Variants in ZBBX observed in about 807,000 individuals in gnomAD.
ZBBX encodes the protein zinc finger B-box domain-containing protein 1.
In ZBBX, 101 loss-of-function variants were observed where a neutral mutation model predicts 108.5. The ratio of observed to expected loss-of-function variants is 0.93; its 90% CI spans 0.79 to 1.10. The LOEUF is 1.10. ZBBX is among the 50% of genes least tolerant of loss of function. The pLI is 0.00. For synonymous variants in ZBBX, 356 were observed against 323.4 expected (o/e 1.10, Z -1.08); for missense variants, 1,009 against 941.4 (o/e 1.07, Z -0.94).
chr3:167,391,259 T>C (rs1748077413), intron 1 of ZBBX, among the ~76,000 whole-genome samples: 2 of 152,126 alleles, frequency 1.3e-5, no homozygotes, highest in South Asian at 2.1e-4. Context: ...GTTTTTGTTA[T>C]TGGTTTTGTT....
chr3:167,286,030 T>C (rs1027757852), intron 19 of ZBBX, among the ~76,000 whole-genome samples: 3 of 152,130 alleles, frequency 2.0e-5, no homozygotes, highest in African/African-American at 4.8e-5. Context: ...GTAAATGTGA[T>C]AGAGGAACTC....
At chr3:167,368,381 T>C in intron 5 of ZBBX, 80 bp downstream of exon 5, 5 of 997,236 alleles carry the variant, frequency 5.0e-6, no homozygotes, top group South Asian at 1.6e-5. Flanking sequence ...AATGTTTTTA[T>C]TGGAATGACA....
chr3:167,204,237 TCTTTTC>T, the ZBBX span, among the ~76,000 whole-genome samples: 14 of 104,354 alleles, frequency 1.3e-4, no homozygotes, highest in Non-Finnish European at 1.9e-4. Flanking sequence ...AAATTTCTTT[TCTTTTC>T]TTTTTTTTTT....
intron 20 of ZBBX, among the ~76,000 whole-genome samples, chr3:167,258,016 C>T (rs531394109): frequency 5.9e-5 from 9 of 152,178 alleles, no homozygotes; most frequent in African/African-American, 1.7e-4. Flanking sequence ...TCGGTCTCAG[C>T]TATTTATCTT....
At chr3:167,312,796 T>C (rs1016703335) in intron 16 of ZBBX, among the ~76,000 whole-genome samples, 1 of 152,142 alleles carries the variant, frequency 6.6e-6, no homozygotes, top group Non-Finnish European at 1.5e-5. Context: ...AATTTAGTGG[T>C]TTAGTATTTG....
chr3:167,182,070 T>G, the ZBBX span, among the ~76,000 whole-genome samples: 1 of 152,210 alleles, frequency 6.6e-6, no homozygotes, highest in Non-Finnish European at 1.5e-5. Context: ...TTTGGACATA[T>G]TCCAGACTCA....
chr3:167,270,248 G>T (rs375673612), intron 20 of ZBBX, among the ~76,000 whole-genome samples: 37 of 152,238 alleles, frequency 2.4e-4, no homozygotes, highest in African/African-American at 8.7e-4. Context: ...GAATAGTGCC[G>T]GAGCAAGTTG....
rs369796514 is a variant in ZBBX, at chr3:167,313,951, T to C, written c.1417+23A>G. 5 of 1,557,150 alleles carry C rather than the reference T, an allele frequency of 3.2e-6. No individual in the cohort carries two copies. The East Asian group carries it at 9.3e-5, about 29-fold the overall frequency. ...TTATCAACATGCACTGTTAATAATATCCAGCAACAAGAAAAATGTTACCTT... is the reference window on the plus strand; with the variant it reads ...TTATCAACATGCACTGTTAATAATACCCAGCAACAAGAAAAATGTTACCTT... On this transcript the variant is annotated intron_variant, in intron 16 of 21. Coordinates refer to ENST00000675490, the MANE Select transcript of ZBBX (RefSeq NM_001199201.2).
At chr3:167,364,174 A>G (rs1744970053) in intron 6 of ZBBX, among the ~76,000 whole-genome samples, 1 of 151,268 alleles carries the variant, frequency 6.6e-6, no homozygotes, top group African/African-American at 2.4e-5. Flanking sequence ...CTTACTCACT[A>G]TATATCTTTA....
the ZBBX span, among the ~76,000 whole-genome samples, chr3:167,230,787 A>C: frequency 1.3e-5 from 2 of 151,814 alleles, no homozygotes; most frequent in Admixed American, 1.3e-4. Flanking sequence ...TTCTCATTGT[A>C]ATGCAAGGCC....
In ZBBX at chr3:167,242,698, C is replaced by T. The variant is rs1014415427; in HGVS notation, c.2255-55G>A. The T allele has an allele frequency of 5.7e-5, 87 of 1,524,834 alleles. 1 individual carries two copies. The Middle Eastern group carries it at 7.2e-4, about 13-fold the overall frequency. The allele number at this position is 1,524,834 out of a possible 1,614,324, so 94.5% of individuals were successfully genotyped here. ...AACATAAATTCAAGAAACAAATATA[C>T]AGCATATGGTGCTGAATGTTTACCC... On this transcript the variant is annotated intron_variant, in intron 20 of 21. Transcript: ENST00000675490.
At chr3:167,214,926 G>C in the ZBBX span, among the ~76,000 whole-genome samples, 1 of 151,976 alleles carries the variant, frequency 6.6e-6, no homozygotes, top group Admixed American at 6.6e-5. Context: ...AAATAAAAAA[G>C]TTTTTCAAAA....
chr3:167,182,736 T>C, the ZBBX span, among the ~76,000 whole-genome samples: 5 of 152,264 alleles, frequency 3.3e-5, no homozygotes, highest in Admixed American at 6.5e-5. Context: ...TGAGTAAGAG[T>C]GTCCCAGTCA....
intron 8 of ZBBX, among the ~76,000 whole-genome samples, chr3:167,358,860 C>T (rs1744036726): frequency 7.2e-6 from 1 of 138,176 alleles, no homozygotes; most frequent in Admixed American, 8.2e-5. Flanking sequence ...TGCTTGAACT[C>T]TGGAGGCGGA....
At chr3:167,308,610 A>G (rs978399516) in intron 16 of ZBBX, among the ~76,000 whole-genome samples, 2 of 152,226 alleles carry the variant, frequency 1.3e-5, no homozygotes, top group Non-Finnish European at 2.9e-5. Flanking sequence ...CATATACACC[A>G]TGGAATACTA....
At chr3:167,407,051 T>A (rs1748606595) in intron 1 of ZBBX, among the ~76,000 whole-genome samples, 1 of 152,180 alleles carries the variant, frequency 6.6e-6, no homozygotes, top group Non-Finnish European at 1.5e-5. Flanking sequence ...GCCCTTGTTT[T>A]TCAAGTGGTC....
rs1735763615 is a variant in ZBBX, at chr3:167,318,082, T to C, written c.984-485A>G. On this transcript the variant is annotated intron_variant, in intron 12 of 21. Coordinates refer to ENST00000675490, the MANE Select transcript of ZBBX (RefSeq NM_001199201.2). The stretch of plus-strand genomic sequence containing the variant: ...AATGTAAGGTGTTCAGGCTGTGGTA[T>C]CTATTACTTAATTAACAATGAAGAC... Among the ~76,000 whole-genome samples, 2 of 151,984 alleles carry C rather than the reference T, an allele frequency of 1.3e-5. 1 individual carries two copies. The highest frequency in any genetic ancestry group is 4.1e-4 in the South Asian group (2 of 4,830).
chr3:167,228,898 T>G, the ZBBX span, among the ~76,000 whole-genome samples: 1 of 151,798 alleles, frequency 6.6e-6, no homozygotes, highest in African/African-American at 2.4e-5. Context: ...CTCCCACGAA[T>G]GAGTGGAACT....
At chr3:167,401,716 T>C (rs2108643513) in intron 1 of ZBBX, among the ~76,000 whole-genome samples, 2 of 152,212 alleles carry the variant, frequency 1.3e-5, no homozygotes, top group Admixed American at 1.3e-4. Context: ...TAAACTGTTT[T>C]ATCAGCAAGG....
Sources: allele counts gnomAD v4.1 joint callset (sites outside exome capture counted in the v4.1 genomes callset), GRCh38; gene constraint gnomAD v4.1.1; transcripts MANE v1.5; gene names NCBI Gene and HGNC (gene_info 2026-07-23, HGNC 2026-07-21).